Variants in DSCAML1 observed in about 807,000 individuals in gnomAD.
The protein encoded by DSCAML1 is cell adhesion molecule DSCAML1.
Under a neutral mutation model 200.5 loss-of-function variants are expected in DSCAML1, and 38 were observed. The ratio of observed to expected loss-of-function variants is 0.19; its 90% confidence interval spans 0.15 to 0.25. The LOEUF (loss-of-function observed/expected upper bound fraction) is 0.25. Among genes scored for constraint, DSCAML1 ranks in the 10% least tolerant of loss-of-function variants. DSCAML1 has a pLI of 1.00. For synonymous variants in DSCAML1, 1,215 were observed against 1,165.0 expected (o/e 1.04, Z -0.87); for missense variants, 2,223 against 2,858.8 (o/e 0.78, Z 5.07).
At chr11:117,569,920 C>G (rs1006805998) in intron 3 of DSCAML1, among the ~76,000 whole-genome samples, 7 of 152,204 alleles carry the variant, frequency 4.6e-5, no homozygotes, top group Non-Finnish European at 1.0e-4. Context: ...CAGAGCTGTT[C>G]CTGACTCTCT....
intron 3 of DSCAML1, chr11:117,668,774 G>A (rs1216816321): frequency 6.6e-6 from 1 of 152,264 alleles, no homozygotes; most frequent in Non-Finnish European, 1.5e-5. Context: ...GTGGGGAGTA[G>A]AGAGAAGAGA....
chr11:117,505,040 G>T lies in DSCAML1; in HGVS notation c.2066C>A (p.Pro689His). 1 of 1,611,594 alleles carries T rather than the reference G, an allele frequency of 6.2e-7. No homozygotes were observed. Among genetic ancestry groups the T allele is most frequent in the Non-Finnish European group, 8.5e-7 (1 of 1,178,578 alleles). ...SRERQLIVRV[P>H]PRFVVQPNNQ... ...GTTGGGTTGCACCACAAATCGAGGG[G>T]GCACTGCAGAAAGAGGGAAGGTAGG... The change falls in exon 10 of 33, where the codon CCC becomes CAC. Residue 689 changes from proline to histidine, a missense_variant. Physicochemically the swap from Pro to His is moderately conservative, Grantham distance 77. Coordinates refer to ENST00000651296, the MANE Select transcript of DSCAML1 (RefSeq NM_020693.4). This position sits in a 1 kb window ranked among gnomAD's most constrained non-coding sequence, Gnocchi z 6.7.
chr11:117,561,484 C>A (rs1309392334), intron 3 of DSCAML1, among the ~76,000 whole-genome samples: 1 of 152,234 alleles, frequency 6.6e-6, no homozygotes, highest in African/African-American at 2.4e-5. Context: ...TGCTACAGTT[C>A]TGTGGGGCTG....
At chr11:117,620,871 C>A (rs999896939) in intron 3 of DSCAML1, among the ~76,000 whole-genome samples, 2 of 152,044 alleles carry the variant, frequency 1.3e-5, no homozygotes, top group African/African-American at 2.4e-5. Context: ...AAAATGGGTA[C>A]AATAATAACT....
intron 3 of DSCAML1, among the ~76,000 whole-genome samples, chr11:117,543,372 G>A (rs1473091393): frequency 6.6e-6 from 1 of 152,072 alleles, no homozygotes; most frequent in African/African-American, 2.4e-5. Flanking sequence ...TACCTGCACT[G>A]GCATGTTGTG....
chr11:117,791,551 C>T (rs1455193211), intron 1 of DSCAML1, among the ~76,000 whole-genome samples: 3 of 152,214 alleles, frequency 2.0e-5, no homozygotes, highest in Non-Finnish European at 4.4e-5. Context: ...GAGCCAACTT[C>T]AGCCCTCTTC....
intron 3 of DSCAML1, among the ~76,000 whole-genome samples, chr11:117,614,481 C>T (rs960238147): frequency 1.6e-4 from 25 of 152,158 alleles, no homozygotes; most frequent in Non-Finnish European, 3.1e-4. Flanking sequence ...ATTATCTAAT[C>T]AAAAAGCTTT....
chr11:117,812,111 T>C (rs2055766286), intron 1 of DSCAML1, among the ~76,000 whole-genome samples: 1 of 152,164 alleles, frequency 6.6e-6, no homozygotes, highest in South Asian at 2.1e-4. Flanking sequence ...GCTGCCCTTC[T>C]TCCCAATCCA....
In DSCAML1 at chr11:117,518,302, G is replaced by T; in HGVS notation, c.1510+164C>A. On this transcript the variant is annotated intron_variant, in intron 7 of 32. Transcript: ENST00000651296. This position sits in a 1 kb window ranked among gnomAD's most constrained non-coding sequence, Gnocchi z 6.3. ...CACGCACACAAGAATGGATGATGGC[G>T]CTTGAGGAGGGCAGGAAAAGGGGAC... 2 of 884,330 alleles carry T rather than the reference G, an allele frequency of 2.3e-6. No homozygotes were observed. Among genetic ancestry groups the T allele is most frequent in the Non-Finnish European group, 3.6e-6 (2 of 561,036 alleles). The allele number at this position is 884,330 out of a possible 1,614,324, so 54.8% of individuals were successfully genotyped here.
chr11:117,796,025 A>G (rs972818524), intron 1 of DSCAML1, among the ~76,000 whole-genome samples: 2 of 152,218 alleles, frequency 1.3e-5, no homozygotes, highest in Non-Finnish European at 2.9e-5. Context: ...CGGCCGCCTC[A>G]TCTCCCGCCA....
chr11:117,514,897 A>G (rs2049726650), intron 8 of DSCAML1, among the ~76,000 whole-genome samples: 1 of 152,084 alleles, frequency 6.6e-6, no homozygotes, highest in Non-Finnish European at 1.5e-5. Context: ...TAACTTTTCT[A>G]TGCCTCCACT....
At chr11:117,626,754 C>A (rs2052055149) in intron 3 of DSCAML1, among the ~76,000 whole-genome samples, 1 of 152,324 alleles carries the variant, frequency 6.6e-6, no homozygotes, top group Non-Finnish European at 1.5e-5. Context: ...TTGGACCACC[C>A]CACATCCCTG....
chr11:117,702,232 C>T (rs1043489138), intron 3 of DSCAML1, among the ~76,000 whole-genome samples: 1 of 152,126 alleles, frequency 6.6e-6, no homozygotes, highest in African/African-American at 2.4e-5. Context: ...AAAGTTCAAT[C>T]GATCTGATGA....
At chr11:117,724,252 A>C (rs1332278687) in intron 3 of DSCAML1, among the ~76,000 whole-genome samples, 1 of 152,242 alleles carries the variant, frequency 6.6e-6, no homozygotes, top group Admixed American at 6.5e-5. Flanking sequence ...CACTTCGCTG[A>C]GGCCATAGGA....
intron 8 of DSCAML1, among the ~76,000 whole-genome samples, chr11:117,511,008 G>A: frequency 6.6e-6 from 1 of 152,176 alleles, no homozygotes. Context: ...CCAGTAGCAG[G>A]CACTTGGCCA....
chr11:117,712,601 G>A lies in DSCAML1; in HGVS notation c.511+64190C>T, dbSNP rs550000197. On this transcript the variant is annotated intron_variant, in intron 3 of 32. Transcript: ENST00000651296. ...TTTTAATGATGGGGAATGGTATTTT[G>A]TTAGTTTCTTTTTTATTATTATTAA... Among the ~76,000 whole-genome samples, 282 of 152,246 alleles carry A rather than the reference G, an allele frequency of 1.9e-3. 1 individual carries two copies. Among genetic ancestry groups the A allele is most frequent in the Admixed American group, 7.5e-3 (114 of 15,278 alleles).
Position 117,506,267 on chromosome 11 carries a change from T to C in DSCAML1, c.1784-535A>G, listed in dbSNP as rs531560388. Among the ~76,000 whole-genome samples, 4 of 152,332 alleles carry C rather than the reference T, an allele frequency of 2.6e-5. No homozygotes were observed. The East Asian group carries it at 7.7e-4, about 29-fold the overall frequency. On this transcript the variant is annotated intron_variant, in intron 8 of 32. Coordinates refer to ENST00000651296, the MANE Select transcript of DSCAML1 (RefSeq NM_020693.4). ...GCCACCTCACCCCTCTTTATTGTCATTGAGTGTCAGGACAGGCGAGTGGAA... is the reference window on the plus strand; with the variant it reads ...GCCACCTCACCCCTCTTTATTGTCACTGAGTGTCAGGACAGGCGAGTGGAA...
intron 26 of DSCAML1, among the ~76,000 whole-genome samples, chr11:117,436,897 C>T (rs2047928567): frequency 6.6e-6 from 1 of 152,198 alleles, no homozygotes; most frequent in Non-Finnish European, 1.5e-5. Flanking sequence ...ACCTATGTGT[C>T]TGTCCATCTG....
chr11:117,547,719 C>G (rs778847191), intron 3 of DSCAML1, among the ~76,000 whole-genome samples: 2 of 152,212 alleles, frequency 1.3e-5, no homozygotes, highest in African/African-American at 4.8e-5. Flanking sequence ...GTGGTCTTAT[C>G]TAATTCATTC....
Sources: allele counts gnomAD v4.1 joint callset (sites outside exome capture counted in the v4.1 genomes callset), GRCh38; gene constraint gnomAD v4.1.1; non-coding constraint Gnocchi (gnomAD v3.1); transcripts MANE v1.5; gene names NCBI Gene and HGNC (gene_info 2026-07-23, HGNC 2026-07-21).